Variants in SCAPER observed in about 807,000 individuals in gnomAD.
SCAPER encodes S-phase cyclin A associated protein in the ER.
In SCAPER, 98 loss-of-function variants were observed where a neutral mutation model predicts 182.2. The ratio of observed to expected loss-of-function variants is 0.54; its 90% CI spans 0.46 to 0.64. SCAPER has a LOEUF of 0.64. SCAPER is among the 30% of genes least tolerant of loss of function. SCAPER has a pLI of 0.00. For missense variants in SCAPER, 1,432 were observed against 1,690.0 expected (o/e 0.85, Z 2.68); for synonymous variants, 605 against 564.6 (o/e 1.07, Z -1.01).
intron 23 of SCAPER, among the ~76,000 whole-genome samples, chr15:76,518,887 T>G (rs2042639152): frequency 6.6e-6 from 1 of 152,264 alleles, no homozygotes; most frequent in Admixed American, 6.5e-5. Flanking sequence ...ATATCTGTTC[T>G]TCTTGATTTT....
intron 17 of SCAPER, among the ~76,000 whole-genome samples, chr15:76,719,775 A>G (rs2060097236): frequency 6.6e-6 from 1 of 152,182 alleles, no homozygotes; most frequent in Non-Finnish European, 1.5e-5. Flanking sequence ...ACGAAACAAA[A>G]GGCATAAAGA....
Position 76,527,977 on chromosome 15 carries a change from C to T in SCAPER, c.2839-23003G>A, listed in dbSNP as rs147001401. ...CATAACACTTCACTCTGATTTTCCC[C>T]ACCAGTCTAACATTTATCTTTGTCT... On this transcript the variant is annotated intron_variant, in intron 23 of 31. Coordinates refer to ENST00000563290, the MANE Select transcript of SCAPER (RefSeq NM_020843.4). Among the ~76,000 whole-genome samples the T allele has an allele frequency of 1.2e-3, 178 of 152,312 alleles. 2 individuals carry two copies. The highest frequency in any genetic ancestry group is 2.1e-3 in the Admixed American group (32 of 15,298).
intron 24 of SCAPER, among the ~76,000 whole-genome samples, chr15:76,477,234 C>T (rs543386330): frequency 1.3e-5 from 2 of 152,182 alleles, no homozygotes; most frequent in Non-Finnish European, 2.9e-5. Context: ...TGCTTCTTTA[C>T]TTCATTGCCT....
At chr15:76,900,148 G>A (rs1227979930) in intron 1 of SCAPER, among the ~76,000 whole-genome samples, 6 of 152,006 alleles carry the variant, frequency 3.9e-5, no homozygotes, top group South Asian at 2.1e-4. Context: ...CAGCATGCTC[G>A]TTAAGAGTCA....
At chr15:76,862,844 C>T (rs1599163409) in intron 2 of SCAPER, among the ~76,000 whole-genome samples, 1 of 152,128 alleles carries the variant, frequency 6.6e-6, no homozygotes, top group East Asian at 1.9e-4. Context: ...ATCAACAAGT[C>T]CAAGTGTGAA....
At chr15:76,465,372 G>A (rs1199500103) in intron 25 of SCAPER, among the ~76,000 whole-genome samples, 1 of 152,080 alleles carries the variant, frequency 6.6e-6, no homozygotes, top group Non-Finnish European at 1.5e-5. Context: ...TTGTCCTCAT[G>A]ATGGAATCAC....
At position 76,702,971 on chromosome 15, in the gene SCAPER, T is replaced by G. The variant is rs1191586315; in HGVS notation, c.2279A>C (p.Gln760Pro). ...AGCTTTTTCTTTTCTTTGTTCAATCTGTTCCATGTGCCTTCGAATACTTTC... is the reference window on the plus strand; with the variant it reads ...AGCTTTTTCTTTTCTTTGTTCAATCGGTTCCATGTGCCTTCGAATACTTTC... ...HDESIRRHMEQIEQRKEKAAE... is the reference protein window; with the variant it reads ...HDESIRRHMEPIEQRKEKAAE... Residue 760 changes from glutamine (Q) to proline (P), a missense_variant, in exon 19 of 32, where the codon CAG becomes CCG. Transcript: ENST00000563290. The G allele has an allele frequency of 1.3e-6, 2 of 1,594,432 alleles. No individual in the cohort carries two copies. The highest frequency in any genetic ancestry group is 2.3e-5 in the East Asian group (1 of 43,824).
chr15:76,475,241 AT>A lies in SCAPER; in HGVS notation c.2955-3907del, dbSNP rs1194573686. Among the ~76,000 whole-genome samples the A allele has an allele frequency of 1.6e-4, 24 of 152,194 alleles. No individual in the cohort carries two copies. In the East Asian group the frequency reaches 2.9e-3, roughly 18 times the overall value. ...TATTCTTATAAATAAATTTACATTT[AT>A]TTTTTATCCCATTTTCCCATATCTT... On this transcript the variant is annotated intron_variant, in intron 24 of 31. Transcript: ENST00000563290.
Position 76,737,262 on chromosome 15 carries a change from C to CT in SCAPER, c.1867-3879dup, listed in dbSNP as rs536691165. On this transcript the variant is annotated intron_variant, in intron 15 of 31. Transcript: ENST00000563290. ...TTGAAATTACTCCTTGATCCATGGA[C>CT]TGCAGAGTGGATGTTACGTTAGCAG... Among the ~76,000 whole-genome samples, 3 of 152,344 alleles carry CT rather than the reference C, an allele frequency of 2.0e-5. No homozygotes were observed. The South Asian group carries it at 6.2e-4, about 32-fold the overall frequency.
intron 5 of SCAPER, among the ~76,000 whole-genome samples, chr15:76,837,783 A>C (rs1355046269): frequency 6.6e-6 from 1 of 152,192 alleles, no homozygotes; most frequent in East Asian, 1.9e-4. Context: ...AAAAGAATAC[A>C]CACACGAGCA....
At chr15:76,608,288 A>T (rs964591369) in intron 22 of SCAPER, among the ~76,000 whole-genome samples, 6 of 152,190 alleles carry the variant, frequency 3.9e-5, no homozygotes, top group Non-Finnish European at 8.8e-5. Context: ...TCCACTCCAG[A>T]CACTGTTTGC....
At chr15:76,550,403 T>A (rs952121362) in intron 23 of SCAPER, among the ~76,000 whole-genome samples, 4 of 152,206 alleles carry the variant, frequency 2.6e-5, no homozygotes, top group Non-Finnish European at 4.4e-5. Flanking sequence ...GTCCATGTGT[T>A]CTCACTGCTC....
At chr15:76,639,932 A>T (rs1407971858) in intron 21 of SCAPER, among the ~76,000 whole-genome samples, 1 of 152,236 alleles carries the variant, frequency 6.6e-6, no homozygotes, top group African/African-American at 2.4e-5. Flanking sequence ...TCAATATCAT[A>T]GTATTTTAAT....
At chr15:76,581,295 T>C (rs1465396044) in intron 22 of SCAPER, among the ~76,000 whole-genome samples, 2 of 152,202 alleles carry the variant, frequency 1.3e-5, no homozygotes, top group Non-Finnish European at 2.9e-5. Context: ...GAGAAGGGAA[T>C]ATTTTCAAAC....
intron 26 of SCAPER, among the ~76,000 whole-genome samples, chr15:76,424,723 T>C (rs2046301217): frequency 6.6e-6 from 1 of 152,234 alleles, no homozygotes; most frequent in Non-Finnish European, 1.5e-5. Context: ...CAATGGTCTT[T>C]ACAATTTGGC....
intron 23 of SCAPER, among the ~76,000 whole-genome samples, chr15:76,527,083 C>T (rs1329575767): frequency 6.6e-6 from 1 of 152,164 alleles, no homozygotes; most frequent in East Asian, 1.9e-4. Context: ...ACCATGTTGG[C>T]CAGGCTGGTC....
intron 17 of SCAPER, among the ~76,000 whole-genome samples, chr15:76,710,285 A>G (rs1468137444): frequency 2.6e-5 from 4 of 152,130 alleles, no homozygotes; most frequent in Non-Finnish European, 5.9e-5. Context: ...GAACCAAAAT[A>G]ATAATAATAA....
chr15:76,742,383 AT>A (rs2061588215), intron 15 of SCAPER, among the ~76,000 whole-genome samples: 1 of 28,236 alleles, frequency 3.5e-5, no homozygotes, highest in African/African-American at 6.9e-5. Flanking sequence ...AATTTAACTG[AT>A]AAAAAAAAAC....
At chr15:76,654,771 A>C (rs1441198241) in intron 21 of SCAPER, among the ~76,000 whole-genome samples, 3 of 152,214 alleles carry the variant, frequency 2.0e-5, no homozygotes, top group African/African-American at 4.8e-5. Context: ...GGTCCTACCA[A>C]GGTGGCTTAC....
Sources: allele counts gnomAD v4.1 joint callset (sites outside exome capture counted in the v4.1 genomes callset), GRCh38; gene constraint gnomAD v4.1.1; transcripts MANE v1.5; gene names NCBI Gene and HGNC (gene_info 2026-07-23, HGNC 2026-07-21).